The following ARID5B variants were observed in gnomAD, a reference collection of about 807,000 sequenced individuals.
The protein encoded by ARID5B is AT-rich interaction domain 5B, also known as AT-rich interactive domain-containing protein 5B.
ARID5B carries 13 observed loss-of-function variants against 97.2 expected under a neutral mutation model. The observed-to-expected ratio is 0.13, with a 90% confidence interval of 0.09 to 0.21. The LOEUF is 0.21. Among genes scored for constraint, ARID5B ranks in the 10% least tolerant of loss-of-function variants. The pLI, the probability that ARID5B is intolerant of heterozygous loss-of-function variation, is 1.00. For missense variants in ARID5B, 1,210 were observed against 1,465.3 expected (o/e 0.83, Z 2.84); for synonymous variants, 556 against 570.3 (o/e 0.97, Z 0.36).
At chr10:62,058,690 C>T (rs1052247060) in intron 6 of ARID5B, among the ~76,000 whole-genome samples, 1 of 152,164 alleles carries the variant, frequency 6.6e-6, no homozygotes, top group Non-Finnish European at 1.5e-5. Context: ...CTGTGGCCTC[C>T]ACGTGAAATA....
chr10:61,968,309 A>G (rs1201463874), intron 3 of ARID5B, among the ~76,000 whole-genome samples: 1 of 151,176 alleles, frequency 6.6e-6, no homozygotes, highest in Admixed American at 6.6e-5. Context: ...TTAAAAACCC[A>G]CCCGATTGGT....
At chr10:62,015,606 G>A (rs956822224) in intron 4 of ARID5B, among the ~76,000 whole-genome samples, 1 of 151,996 alleles carries the variant, frequency 6.6e-6, no homozygotes, top group African/African-American at 2.4e-5. Flanking sequence ...ACCTCTGAAC[G>A]GTGTGAGGTT....
intron 4 of ARID5B, among the ~76,000 whole-genome samples, chr10:62,021,064 A>ATATATC (rs1554845215): frequency 2.3e-5 from 3 of 133,036 alleles, no homozygotes; most frequent in African/African-American, 8.1e-5. Flanking sequence ...ATATATATAT[A>ATATATC]TATATCTCAG....
At chr10:61,978,685 G>GC (rs1564618342) in intron 3 of ARID5B, among the ~76,000 whole-genome samples, 2 of 152,200 alleles carry the variant, frequency 1.3e-5, no homozygotes, top group African/African-American at 4.8e-5. Context: ...ATATAAGAAT[G>GC]CTTGTGATTT....
intron 4 of ARID5B, among the ~76,000 whole-genome samples, chr10:62,013,794 G>T (rs1589258258): frequency 7.2e-6 from 1 of 138,938 alleles, no homozygotes; most frequent in Non-Finnish European, 1.5e-5. Flanking sequence ...ATTCCATTGG[G>T]TATATATATA....
Position 61,937,411 on chromosome 10 carries a change from G to A in ARID5B, c.277-2772G>A. ...GCTCCTCTTGACTTAGAGGATTTAT[G>A]ATTAAATGAGCTGTTTTTGGACAAT... On this transcript the variant is annotated intron_variant, in intron 2 of 9. Coordinates refer to ENST00000279873, the MANE Select transcript of ARID5B (RefSeq NM_032199.3). Among the ~76,000 whole-genome samples, 2 of 152,240 alleles carry A rather than the reference G, an allele frequency of 1.3e-5. 1 individual carries two copies. The highest frequency in any genetic ancestry group is 4.1e-4 in the South Asian group (2 of 4,820).
intron 2 of ARID5B, among the ~76,000 whole-genome samples, chr10:61,903,503 C>T (rs1843655198): frequency 6.6e-6 from 1 of 151,884 alleles, no homozygotes; most frequent in African/African-American, 2.4e-5. Context: ...TCTGTGCCCA[C>T]GGCGCAGCGG....
At chr10:61,964,863 TA>T (rs1838521138) in intron 3 of ARID5B, among the ~76,000 whole-genome samples, 3 of 152,236 alleles carry the variant, frequency 2.0e-5, no homozygotes, top group Admixed American at 1.3e-4. Context: ...AAGAACACAT[TA>T]ATTGTACGTG....
At chr10:62,038,480 A>G (rs1237482185) in intron 4 of ARID5B, among the ~76,000 whole-genome samples, 1 of 151,966 alleles carries the variant, frequency 6.6e-6, no homozygotes, top group African/African-American at 2.4e-5. Flanking sequence ...ACATCAGTCT[A>G]TTTTTGGTTT....
intron 2 of ARID5B, among the ~76,000 whole-genome samples, chr10:61,904,895 T>A (rs1051171457): frequency 3.3e-5 from 5 of 152,212 alleles, no homozygotes; most frequent in African/African-American, 1.2e-4. Flanking sequence ...CCTGGTGATG[T>A]CATTTCCCCC....
At chr10:61,961,661 C>T (rs1309695802) in intron 3 of ARID5B, among the ~76,000 whole-genome samples, 1 of 152,216 alleles carries the variant, frequency 6.6e-6, no homozygotes, top group African/African-American at 2.4e-5. Flanking sequence ...TCCAGATGCT[C>T]AGACTCTTAT....
At chr10:61,990,657 C>T (rs1374975557) in intron 3 of ARID5B, among the ~76,000 whole-genome samples, 1 of 152,178 alleles carries the variant, frequency 6.6e-6, no homozygotes, top group African/African-American at 2.4e-5. Context: ...ATTGGAGAGA[C>T]ACCACTTTTC....
At chr10:61,992,756 A>G (rs1007854913) in intron 3 of ARID5B, among the ~76,000 whole-genome samples, 2 of 152,140 alleles carry the variant, frequency 1.3e-5, no homozygotes, top group African/African-American at 4.8e-5. Flanking sequence ...CTGTTATGTT[A>G]AAAGTACATT....
chr10:61,961,949 G>A (rs781183967), intron 3 of ARID5B, among the ~76,000 whole-genome samples: 16 of 152,080 alleles, frequency 1.1e-4, no homozygotes, highest in Non-Finnish European at 2.2e-4. Context: ...GGGTTTCACC[G>A]TGTTAGCCAG....
At chr10:61,958,009 T>C in intron 3 of ARID5B, among the ~76,000 whole-genome samples, 1 of 152,146 alleles carries the variant, frequency 6.6e-6, no homozygotes, top group East Asian at 1.9e-4. Flanking sequence ...TCCACCTGGT[T>C]GGTTGGTGGG....
chr10:61,951,111 T>C (rs1344805221), intron 3 of ARID5B, among the ~76,000 whole-genome samples: 1 of 152,252 alleles, frequency 6.6e-6, no homozygotes, highest in African/African-American at 2.4e-5. Context: ...TGTAACATTA[T>C]GTGTTTAAGT....
chr10:62,041,959 G>A (rs1040046336), intron 4 of ARID5B, among the ~76,000 whole-genome samples: 5 of 152,144 alleles, frequency 3.3e-5, no homozygotes, highest in Non-Finnish European at 1.5e-5. Flanking sequence ...AGAACGAGCA[G>A]ATTTATTGAT....
At chr10:61,947,751 G>A (rs186821718) in intron 3 of ARID5B, among the ~76,000 whole-genome samples, 83 of 152,258 alleles carry the variant, frequency 5.5e-4, no homozygotes, top group African/African-American at 1.9e-3. Context: ...CATTTATGCT[G>A]TCTACACTCA....
intron 3 of ARID5B, among the ~76,000 whole-genome samples, chr10:61,977,503 A>G (rs1838717058): frequency 1.3e-5 from 2 of 152,190 alleles, no homozygotes. Context: ...ATTTCTCCAC[A>G]TCCTCTCCAG....
Sources: allele counts gnomAD v4.1 joint callset (sites outside exome capture counted in the v4.1 genomes callset), GRCh38; gene constraint gnomAD v4.1.1; transcripts MANE v1.5; gene names NCBI Gene and HGNC (gene_info 2026-07-23, HGNC 2026-07-21).